Variants in NAV2 observed in about 807,000 individuals in gnomAD.
NAV2 encodes the protein helicase, APC down-regulated 1.
Under a neutral mutation model 223.2 loss-of-function variants are expected in NAV2, and 54 were observed. The ratio of observed to expected loss-of-function variants is 0.24; its 90% CI spans 0.19 to 0.30. The LOEUF is 0.30. Among genes scored for constraint, NAV2 ranks in the 10% least tolerant of loss-of-function variants. NAV2 has a pLI of 1.00. For missense variants in NAV2, 2,806 were observed against 3,147.5 expected, an observed-to-expected ratio of 0.89 and a Z score of 2.60; for synonymous variants, 1,279 against 1,239.3, an observed-to-expected ratio of 1.03 and a Z score of -0.67.
rs570076826 is a variant in NAV2 at position 19,415,613 on chromosome 11, A to T, written c.75+64586A>T. Among the ~76,000 whole-genome samples the T allele has an allele frequency of 2.6e-4, 40 of 152,346 alleles. No individual in the cohort carries two copies. In the South Asian group the frequency reaches 8.3e-3, roughly 32 times the overall value. ...TTTTTATGAGACCAGCATCATCCTG[A>T]TACCAAAACCTGGCAGAGACACAAC... On this transcript the variant is annotated intron_variant, in intron 1 of 37. Transcript: ENST00000360655.
chr11:19,713,789 G>C lies in NAV2; in HGVS notation c.94G>C (p.Ala32Pro). 5 of 1,612,944 alleles carry C rather than the reference G, an allele frequency of 3.1e-6. No homozygotes were observed. Among genetic ancestry groups the C allele is most frequent in the Non-Finnish European group, 3.4e-6 (4 of 1,179,738 alleles). ...APILHVPPAR[A>P]GPQPCYLKLG... ...CATCCTGCACGTGCCCCCGGCCCGGGCGGGCCCCCAGCCCTGCTACCTGAA... is the reference window on the plus strand; with the variant it reads ...CATCCTGCACGTGCCCCCGGCCCGGCCGGGCCCCCAGCCCTGCTACCTGAA... The change falls in exon 1 of 38, where the codon GCG becomes CCG. Residue 32 changes from alanine to proline, a missense_variant. Transcript: ENST00000349880. This position sits in a 1 kb window ranked among gnomAD's most constrained non-coding sequence, Gnocchi z 7.2.
chr11:20,084,041 A>T (rs1029430142), intron 26 of NAV2, among the ~76,000 whole-genome samples: 3 of 152,228 alleles, frequency 2.0e-5, no homozygotes, highest in Non-Finnish European at 4.4e-5. Flanking sequence ...TACCAACTGC[A>T]TGGGAGTGGA....
chr11:20,097,004 C>T (rs1191571420), intron 30 of NAV2, among the ~76,000 whole-genome samples: 1 of 152,198 alleles, frequency 6.6e-6, no homozygotes, highest in Non-Finnish European at 1.5e-5. Context: ...CGTGCAGTCA[C>T]CTCCTAGTAC....
chr11:19,597,037 GCAAGAA>G (rs2046224252), intron 1 of NAV2, among the ~76,000 whole-genome samples: 4 of 152,194 alleles, frequency 2.6e-5, no homozygotes, highest in Non-Finnish European at 5.9e-5. Flanking sequence ...TGTATTGCAT[GCAAGAA>G]TGTGACTCCA....
At chr11:19,363,790 T>G (rs1854100971) in intron 1 of NAV2, among the ~76,000 whole-genome samples, 1 of 152,202 alleles carries the variant, frequency 6.6e-6, no homozygotes, top group Non-Finnish European at 1.5e-5. Context: ...GGTTTGATGA[T>G]TTGCTAGAAT....
chr11:19,601,996 C>A (rs936567478), intron 1 of NAV2, among the ~76,000 whole-genome samples: 20 of 152,274 alleles, frequency 1.3e-4, no homozygotes, highest in African/African-American at 3.8e-4. Flanking sequence ...CCCACCAGGG[C>A]CCCATGGTCC....
At chr11:19,647,426 G>C (rs2047848552) in intron 1 of NAV2, among the ~76,000 whole-genome samples, 1 of 152,044 alleles carries the variant, frequency 6.6e-6, no homozygotes, top group African/African-American at 2.4e-5. Flanking sequence ...CACAAAATGA[G>C]CATCTGCTGG....
At chr11:19,911,031 A>AT (rs996900212) in intron 6 of NAV2, among the ~76,000 whole-genome samples, 6,108 of 123,346 alleles carry the variant, frequency 0.05, 284 homozygotes, top group African/African-American at 0.11. Flanking sequence ...TTGCAAGCAC[A>AT]TTTTTTTTTT....
chr11:19,381,567 A>G (rs1848837581), intron 1 of NAV2, among the ~76,000 whole-genome samples: 1 of 152,138 alleles, frequency 6.6e-6, no homozygotes, highest in African/African-American at 2.4e-5. Flanking sequence ...GCTCAGGGCC[A>G]CCAAGCTTGC....
intron 1 of NAV2, among the ~76,000 whole-genome samples, chr11:19,693,379 A>C (rs1317399268): frequency 6.6e-6 from 1 of 152,208 alleles, no homozygotes; most frequent in Admixed American, 6.5e-5. Context: ...TTCTGTCTCC[A>C]ACCAGGAGTG....
At chr11:19,827,565 G>GC (rs2059703225) in intron 1 of NAV2, among the ~76,000 whole-genome samples, 1 of 152,174 alleles carries the variant, frequency 6.6e-6, no homozygotes, top group African/African-American at 2.4e-5. Context: ...AGGGCCAAGG[G>GC]CCAGCTTGAC....
intron 1 of NAV2, among the ~76,000 whole-genome samples, chr11:19,682,866 T>C (rs961781870): frequency 7.2e-5 from 11 of 152,200 alleles, no homozygotes; most frequent in African/African-American, 2.4e-4. Context: ...CATTCCAATA[T>C]GAGATTTGGA....
intron 2 of NAV2, among the ~76,000 whole-genome samples, chr11:19,839,089 T>G (rs1590824976): frequency 6.6e-6 from 1 of 152,298 alleles, no homozygotes; most frequent in East Asian, 1.9e-4. Context: ...CTTCCTTTGG[T>G]GGCTAAGGTT....
chr11:20,032,667 G>A (rs1485449689), intron 11 of NAV2, among the ~76,000 whole-genome samples: 4 of 152,186 alleles, frequency 2.6e-5, no homozygotes, highest in Non-Finnish European at 1.5e-5. Flanking sequence ...TTTTCCATCT[G>A]TGACGCCATG....
intron 1 of NAV2, among the ~76,000 whole-genome samples, chr11:19,407,837 G>C (rs1849967109): frequency 6.6e-6 from 1 of 152,166 alleles, no homozygotes; most frequent in Admixed American, 6.5e-5. Context: ...TCCGGCTGGG[G>C]CATGATAATG....
chr11:19,868,853 T>A (rs929023968), intron 3 of NAV2, 72 bp from the exon 4 acceptor site: 16 of 1,473,902 alleles, frequency 1.1e-5, no homozygotes, highest in Non-Finnish European at 1.5e-5. Flanking sequence ...GTTTTCCCAT[T>A]GTTCCTCATA....
chr11:19,788,207 C>A (rs1335906164), intron 1 of NAV2, among the ~76,000 whole-genome samples: 1 of 152,164 alleles, frequency 6.6e-6, no homozygotes, highest in African/African-American at 2.4e-5. Flanking sequence ...GGATGTTTAG[C>A]AACGTCCCTG....
chr11:20,001,616 G>A (rs1199642665), intron 11 of NAV2, among the ~76,000 whole-genome samples: 1 of 149,024 alleles, frequency 6.7e-6, no homozygotes, highest in Non-Finnish European at 1.5e-5. Flanking sequence ...ATCAGGGCAA[G>A]CCACCGCATG....
intron 11 of NAV2, among the ~76,000 whole-genome samples, chr11:20,000,611 G>A (rs1192153521): frequency 6.6e-6 from 1 of 152,130 alleles, no homozygotes; most frequent in African/African-American, 2.4e-5. Context: ...CTGGAATAAA[G>A]GGGTAGTGAG....
Sources: allele counts gnomAD v4.1 joint callset (sites outside exome capture counted in the v4.1 genomes callset), GRCh38; gene constraint gnomAD v4.1.1; non-coding constraint Gnocchi (gnomAD v3.1); transcripts MANE v1.5; gene names NCBI Gene and HGNC (gene_info 2026-07-23, HGNC 2026-07-21).